Variants in PCDH15 observed in about 807,000 individuals in gnomAD.
PCDH15 encodes the protein protocadherin related 15.
In PCDH15, 129 loss-of-function variants were observed where a neutral mutation model predicts 178.5. That is an observed-to-expected ratio of 0.72 (90% CI 0.63 to 0.84). The LOEUF (loss-of-function observed/expected upper bound fraction) is 0.84, where lower values mean the gene tolerates loss of function less well. Among genes scored for constraint, PCDH15 ranks in the 40% least tolerant of loss-of-function variants. The pLI, the probability that PCDH15 is intolerant of heterozygous loss-of-function variation, is 0.00. For synonymous variants in PCDH15, 800 were observed against 732.0 expected, an observed-to-expected ratio of 1.09 and a Z score of -1.50; for missense variants, 2,230 against 2,099.9, an observed-to-expected ratio of 1.06 and a Z score of -1.21.
chr10:55,072,259 G>A (rs1841766222), intron 2 of PCDH15, among the ~76,000 whole-genome samples: 1 of 152,106 alleles, frequency 6.6e-6, no homozygotes, highest in African/African-American at 2.4e-5. Context: ...GAGCAGAACT[G>A]AAGGAAATAG....
rs926448934 is a variant in PCDH15, at chr10:55,575,657, T to C, written c.-156+51968A>G. On this transcript the variant is annotated intron_variant, in intron 2 of 5. Transcript: ENST00000613346. Reference sequence around the variant, plus strand: ...GTGGTAATTGCCACTTACTATTTAGTTGTCAAATGTGCATGTCCGCAGTGC... The same window carrying C: ...GTGGTAATTGCCACTTACTATTTAGCTGTCAAATGTGCATGTCCGCAGTGC... 5.9e-5 allele frequency: 9 copies of C among 152,336 alleles called. No individual in the cohort carries two copies. In the East Asian group the frequency reaches 1.7e-3, roughly 29 times the overall value. 9.4% of individuals were successfully genotyped at this position (152,336 alleles called of 1,614,324 possible). A position where few individuals can be genotyped will look rare whatever the true frequency, so the allele number is the denominator to read the frequency against.
intron 8 of PCDH15, among the ~76,000 whole-genome samples, chr10:54,275,979 C>T (rs1321463578): frequency 2.0e-5 from 3 of 151,624 alleles, no homozygotes; most frequent in African/African-American, 7.3e-5. Flanking sequence ...CATTATCCTG[C>T]CCAGTACACA....
intron 26 of PCDH15, among the ~76,000 whole-genome samples, chr10:53,902,499 C>T (rs1047538537): frequency 2.6e-5 from 4 of 152,020 alleles, no homozygotes; most frequent in Admixed American, 1.3e-4. Flanking sequence ...AAATTAACTC[C>T]GCAATTGAGA....
intron 10 of PCDH15, among the ~76,000 whole-genome samples, chr10:54,197,175 ATTC>A (rs1206080524): frequency 6.6e-6 from 1 of 151,412 alleles, no homozygotes; most frequent in Non-Finnish European, 1.5e-5. Flanking sequence ...TAAAATTAAT[ATTC>A]TTATGTATAA....
intron 2 of PCDH15, among the ~76,000 whole-genome samples, chr10:55,083,373 TA>T (rs1461579633): frequency 6.6e-6 from 1 of 151,734 alleles, no homozygotes; most frequent in African/African-American, 2.4e-5. Context: ...TTTTATAATT[TA>T]AAAAAGCTGC....
intron 1 of PCDH15, among the ~76,000 whole-genome samples, chr10:54,762,498 G>A (rs1004499696): frequency 1.3e-5 from 2 of 152,090 alleles, no homozygotes; most frequent in Admixed American, 1.3e-4. Flanking sequence ...GAATCATTCA[G>A]TAAAACCAAA....
At position 54,133,904 on chromosome 10, in the gene PCDH15, TACAC is replaced by T. The variant is rs1491488010; in HGVS notation, c.1785-901_1785-898del. 1.0e-3 allele frequency among the ~76,000 whole-genome samples: 138 copies of T among 136,610 alleles called. 1 individual carries two copies. Among genetic ancestry groups the T allele is most frequent in the East Asian group, 5.3e-3 (6 of 1,130 alleles). 89.6% of individuals were successfully genotyped at this position (136,610 alleles called of 152,430 possible). On this transcript the variant is annotated intron_variant, in intron 14 of 37. Coordinates refer to ENST00000644397, the MANE Select transcript of PCDH15 (RefSeq NM_001384140.1). ...ATATACACATATATACACACACATATACACACACACATACATATAACATTTTGTA... is the reference window on the plus strand; with the variant it reads ...ATATACACATATATACACACACATATACACACATACATATAACATTTTGTA...
chr10:55,576,234 C>T (rs971630279), intron 2 of PCDH15, among the ~76,000 whole-genome samples: 1 of 151,890 alleles, frequency 6.6e-6, no homozygotes, highest in Non-Finnish European at 1.5e-5. Context: ...TAATATATAC[C>T]ATATTATTAA....
At chr10:54,520,058 T>C (rs2082680265) in intron 3 of PCDH15, among the ~76,000 whole-genome samples, 1 of 152,036 alleles carries the variant, frequency 6.6e-6, no homozygotes, top group Non-Finnish European at 1.5e-5. Context: ...ATACAAAAAT[T>C]AATTCAAGAT....
chr10:54,964,689 C>G (rs1208454667), intron 2 of PCDH15, among the ~76,000 whole-genome samples: 1 of 152,144 alleles, frequency 6.6e-6, no homozygotes, highest in African/African-American at 2.4e-5. Flanking sequence ...AATAATATCA[C>G]TGATAGCGTT....
intron 2 of PCDH15, among the ~76,000 whole-genome samples, chr10:54,537,394 G>A (rs2084698520): frequency 6.6e-6 from 1 of 152,080 alleles, no homozygotes; most frequent in Non-Finnish European, 1.5e-5. Flanking sequence ...AAATATCAAG[G>A]AGGAGAGTCT....
intron 2 of PCDH15, among the ~76,000 whole-genome samples, chr10:54,971,460 C>T (rs1362674199): frequency 6.6e-6 from 1 of 152,148 alleles, no homozygotes; most frequent in Non-Finnish European, 1.5e-5. Context: ...CTAATTTCAG[C>T]TTCCAGTCTC....
At chr10:54,276,361 A>G (rs991958793) in intron 8 of PCDH15, among the ~76,000 whole-genome samples, 1 of 151,796 alleles carries the variant, frequency 6.6e-6, no homozygotes, top group African/African-American at 2.4e-5. Flanking sequence ...CACAAAAGAG[A>G]AAATCCAACT....
intron 11 of PCDH15, among the ~76,000 whole-genome samples, chr10:54,192,818 G>T (rs999433318): frequency 1.3e-5 from 2 of 152,068 alleles, no homozygotes; most frequent in African/African-American, 4.8e-5. Context: ...TTTTATAAAA[G>T]TTATGAAGCA....
intron 2 of PCDH15, among the ~76,000 whole-genome samples, chr10:54,598,646 A>C (rs1482215738): frequency 1.3e-5 from 2 of 152,202 alleles, no homozygotes; most frequent in Non-Finnish European, 2.9e-5. Flanking sequence ...AAGAGAAAGA[A>C]ATAAAAGGCA....
intron 2 of PCDH15, chr10:54,606,835 A>C (rs2092762561): frequency 6.6e-6 from 1 of 152,254 alleles, no homozygotes; most frequent in Admixed American, 6.6e-5. Context: ...AAGTCACATC[A>C]AACCCATCAG....
At chr10:54,029,804 C>T (rs115374213) in intron 18 of PCDH15, among the ~76,000 whole-genome samples, 1,723 of 152,136 alleles carry the variant, frequency 0.011, 32 homozygotes, top group African/African-American at 0.04. Context: ...TGGTCTGTTA[C>T]ACAATTCTTT....
chr10:54,215,130 A>G (rs1260760621), intron 9 of PCDH15, among the ~76,000 whole-genome samples: 1 of 152,210 alleles, frequency 6.6e-6, no homozygotes, highest in Non-Finnish European at 1.5e-5. Context: ...CTAATCATCA[A>G]TAACTAAATC....
chr10:54,462,411 T>A (rs1046350437), intron 3 of PCDH15, among the ~76,000 whole-genome samples: 3 of 151,852 alleles, frequency 2.0e-5, no homozygotes, highest in African/African-American at 7.2e-5. Flanking sequence ...TCCATCTGAA[T>A]ACAAGTCATT....
Sources: gnomAD v4.1 joint callset for allele counts (sites outside exome capture counted in the v4.1 genomes callset) on GRCh38, gnomAD v4.1.1 for gene constraint, MANE v1.5 for transcripts, NCBI Gene and HGNC (gene_info 2026-07-23, HGNC 2026-07-21) for gene names.